Variants in NUP58 observed in about 807,000 individuals in gnomAD.
The protein encoded by NUP58 is nucleoporin p58/p45.
A neutral mutation model predicts 70.1 loss-of-function variants in NUP58; 17 were observed. That is an observed-to-expected ratio of 0.24 (90% CI 0.17 to 0.36). The LOEUF is 0.36. Ranked by LOEUF, NUP58 falls within the 10% of genes least tolerant of loss-of-function variation. NUP58 has a pLI of 1.00. For missense variants in NUP58, 644 were observed against 701.5 expected, an observed-to-expected ratio of 0.92 and a Z score of 0.93; for synonymous variants, 275 against 257.6, an observed-to-expected ratio of 1.07 and a Z score of -0.65.
chr13:25,344,356 T>G (rs1017770884), downstream of NUP58, among the ~76,000 whole-genome samples: 1 of 152,344 alleles, frequency 6.6e-6, no homozygotes, highest in South Asian at 2.1e-4. Context: ...AAGGATGATA[T>G]ACATGGGTGG....
intron 13 of NUP58, chr13:25,334,626 A>C (rs929804158): frequency 1.3e-5 from 13 of 982,026 alleles, no homozygotes; most frequent in Non-Finnish European, 1.6e-5. Context: ...AAGAAAAATT[A>C]TTTTAAAATG....
At chr13:25,346,789 A>G (rs1487949724), downstream of NUP58, among the ~76,000 whole-genome samples, 1 of 152,134 alleles carries the variant, frequency 6.6e-6, no homozygotes, top group East Asian at 1.9e-4. Flanking sequence ...TGAGGGAATC[A>G]AGAAAATAGG....
intron 13 of NUP58, chr13:25,333,288 A>C: frequency 1.0e-6 from 1 of 985,372 alleles, no homozygotes; most frequent in Non-Finnish European, 1.2e-6. Context: ...AAAGGTAGAC[A>C]ATATAGATTT....
intron 10 of NUP58, among the ~76,000 whole-genome samples, chr13:25,326,452 G>A (rs1017901779): frequency 6.6e-6 from 1 of 151,564 alleles, no homozygotes; most frequent in East Asian, 1.9e-4. Context: ...AAATTTCATT[G>A]ATAAAATGAC....
chr13:25,332,514 C>T, intron 13 of NUP58: 2 of 979,632 alleles, frequency 2.0e-6, no homozygotes, highest in Non-Finnish European at 2.4e-6. Flanking sequence ...TCCATATAGT[C>T]CAGTAGTACA....
chr13:25,315,875 A>G (rs1489005148), intron 6 of NUP58, among the ~76,000 whole-genome samples: 2 of 152,244 alleles, frequency 1.3e-5, no homozygotes, highest in Admixed American at 6.5e-5. Context: ...TCTGGAGTGG[A>G]ATTGCCCGGG....
rs562132125 is a variant in NUP58 at position 25,305,130 on chromosome 13, G to GTTTT, written c.108-2648_108-2645dup. 7.6e-3 allele frequency among the ~76,000 whole-genome samples: 442 copies of GTTTT among 58,474 alleles called. 34 individuals are homozygous for GTTTT. The highest frequency in any genetic ancestry group is 0.025 in the East Asian group (48 of 1,912). 38.4% of individuals were successfully genotyped at this position (58,474 alleles called of 152,430 possible). A position where few individuals can be genotyped will look rare whatever the true frequency, so the allele number is the denominator to read the frequency against. On this transcript the variant is annotated intron_variant, in intron 1 of 15. Transcript: ENST00000381736. ...GACTAAATGTTTAAAGATCTGTGGG[G>GTTTT]TTTTTTTTTTTTTTTTTTTTTTTTT...
At position 25,338,728 on chromosome 13, in the gene NUP58, G is replaced by T. The variant is rs2031866533; in HGVS notation, c.1627G>T (p.Ala543Ser). Residue 543 changes from alanine to serine, a missense_variant, in exon 15 of 16, where the codon GCA becomes TCA. Physicochemically the swap from Ala to Ser is moderately conservative, Grantham distance 99. Transcript: ENST00000381736. ...AAATAAACCCTCAGGAAGTCTTAGT[G>T]CAGGTTTGTGTGTTTCTGCCTGGAT... Reference protein sequence around the residue: ...TTNKPSGSLSAGFGSSSTSGF... With the variant: ...TTNKPSGSLSSGFGSSSTSGF... 1 of 1,611,726 alleles carries T rather than the reference G, an allele frequency of 6.2e-7. No individual in the cohort carries two copies. Among genetic ancestry groups the T allele is most frequent in the Non-Finnish European group, 8.5e-7 (1 of 1,178,042 alleles).
chr13:25,338,329 A>C (rs1373647729), intron 14 of NUP58, among the ~76,000 whole-genome samples: 1 of 152,214 alleles, frequency 6.6e-6, no homozygotes, highest in Non-Finnish European at 1.5e-5. Context: ...CTAAAATCAT[A>C]CTTGAATGGT....
chr13:25,305,008 AT>A (rs1230712020), intron 1 of NUP58, among the ~76,000 whole-genome samples: 1 of 151,978 alleles, frequency 6.6e-6, no homozygotes, highest in Non-Finnish European at 1.5e-5. Context: ...TACATACTAT[AT>A]TCTTTTGCTT....
downstream of NUP58, among the ~76,000 whole-genome samples, chr13:25,346,271 T>C (rs75323254): frequency 7.0e-3 from 1,065 of 152,274 alleles, 14 homozygotes; most frequent in African/African-American, 0.025. Flanking sequence ...TCCTTTTTTT[T>C]ACAGGTGAGA....
rs189680279 is a variant in NUP58, at chr13:25,338,819, A to G, written c.1630+88A>G. The G allele has an allele frequency of 1.3e-4, 149 of 1,106,606 alleles. No individual in the cohort carries two copies. The African/African-American group carries it at 2.1e-3, about 16-fold the overall frequency. 68.5% of individuals were successfully genotyped at this position (1,106,606 alleles called of 1,614,324 possible). A position where few individuals can be genotyped will look rare whatever the true frequency, so the allele number is the denominator to read the frequency against. ...TATGTGTTGTTATTTCCAGTAACCC[A>G]AAAAGTTCCCTCCCTGATTCAGTTT... is the stretch of plus-strand genomic sequence containing the variant. On this transcript the variant is annotated intron_variant, in intron 15 of 15. Coordinates refer to ENST00000381736, the MANE Select transcript of NUP58 (RefSeq NM_014089.4).
At chr13:25,320,367 A>G in intron 7 of NUP58, 163 bp from the exon 8 acceptor site, 1 of 513,712 alleles carries the variant, frequency 1.9e-6, no homozygotes, top group Non-Finnish European at 3.4e-6. Context: ...TATTTACAAT[A>G]AATTTATGTT....
intron 6 of NUP58, among the ~76,000 whole-genome samples, chr13:25,317,102 A>T (rs2030966939): frequency 6.6e-6 from 1 of 152,084 alleles, no homozygotes; most frequent in African/African-American, 2.4e-5. Flanking sequence ...CTGCAGTACC[A>T]GTGTGGGATT....
downstream of NUP58, among the ~76,000 whole-genome samples, chr13:25,343,604 C>T (rs2032006794): frequency 6.6e-6 from 1 of 151,202 alleles, no homozygotes; most frequent in Non-Finnish European, 1.5e-5. Context: ...CATGATTACG[C>T]CTGGCTAATT....
At chr13:25,319,829 A>G (rs907387667) in intron 7 of NUP58, among the ~76,000 whole-genome samples, 5 of 152,094 alleles carry the variant, frequency 3.3e-5, no homozygotes, top group Non-Finnish European at 7.4e-5. Flanking sequence ...TTTGTACTAT[A>G]TTAAATAAAG....
chr13:25,336,086 C>T (rs988621531), intron 13 of NUP58: 108 of 1,239,000 alleles, frequency 8.7e-5, no homozygotes, highest in Non-Finnish European at 1.1e-4. Context: ...GATGACTAAT[C>T]GTTCTGCTTC....
At chr13:25,310,254 C>G (rs1413898990) in intron 3 of NUP58, among the ~76,000 whole-genome samples, 1 of 77,842 alleles carries the variant, frequency 1.3e-5, no homozygotes, top group Non-Finnish European at 2.4e-5. Context: ...GAATTTTGCT[C>G]TTGTTGCCCA....
chr13:25,305,039 C>G (rs982087130), intron 1 of NUP58, among the ~76,000 whole-genome samples: 1 of 150,194 alleles, frequency 6.7e-6, no homozygotes, highest in African/African-American at 2.5e-5. Flanking sequence ...ACTTAGGTTT[C>G]TGTGTGTGTG....
Sources: gnomAD v4.1 joint callset for allele counts (sites outside exome capture counted in the v4.1 genomes callset) on GRCh38, gnomAD v4.1.1 for gene constraint, MANE v1.5 for transcripts, NCBI Gene and HGNC (gene_info 2026-07-23, HGNC 2026-07-21) for gene names.